The following PLBD1 variants were observed in gnomAD, a reference collection of about 807,000 sequenced individuals.
The protein encoded by PLBD1 is lysosomal leucine aminopeptidase.
Under a neutral mutation model 63.0 loss-of-function variants are expected in PLBD1, and 60 were observed. The observed-to-expected ratio is 0.95, with a 90% CI of 0.77 to 1.18. PLBD1 has a LOEUF of 1.18. PLBD1 is among the 50% of genes most tolerant of loss of function. The probability of loss-of-function intolerance (pLI) is 0.00; values close to 1 mark genes in which losing one functional copy is unlikely to be tolerated. For missense variants in PLBD1, 598 were observed against 677.9 expected (o/e 0.88, Z 1.31); for synonymous variants, 262 against 248.0 (o/e 1.06, Z -0.53).
intron 2 of PLBD1, among the ~76,000 whole-genome samples, chr12:14,546,890 CT>C (rs968836609): frequency 6.6e-6 from 1 of 150,794 alleles, no homozygotes; most frequent in African/African-American, 2.4e-5. Context: ...TTTCTTTTTT[CT>C]TTTTTTTCAG....
chr12:14,506,798 T>A (rs1427220359), intron 9 of PLBD1, 135 bp downstream of exon 9: 1 of 697,224 alleles, frequency 1.4e-6, no homozygotes, highest in African/African-American at 1.8e-5. Flanking sequence ...GTATAAAATG[T>A]ACAATATTAG....
chr12:14,534,141 C>T (rs1206914720), intron 6 of PLBD1, among the ~76,000 whole-genome samples: 2 of 152,062 alleles, frequency 1.3e-5, no homozygotes, highest in Admixed American at 1.3e-4. Flanking sequence ...AGGGTGAGAC[C>T]CTGACTTTAA....
intron 1 of PLBD1, among the ~76,000 whole-genome samples, chr12:14,564,378 T>G (rs865874739): frequency 1.2e-3 from 185 of 152,240 alleles, no homozygotes; most frequent in African/African-American, 4.3e-3. Context: ...TGGTAAGCCA[T>G]GGCAATGTGG....
In PLBD1 at chr12:14,511,584, T is replaced by C; in HGVS notation, c.972A>G (p.Gln324=). ...QVIPETLLSW[Q]RVRVANMMAD... ...CCATCATATTGGCCACACGGACTCTTTGCCAGGACAGGAGAGTCTCGGGTA... is the reference window on the plus strand; with the variant it reads ...CCATCATATTGGCCACACGGACTCTCTGCCAGGACAGGAGAGTCTCGGGTA... Residue 324 remains glutamine (Q), a synonymous_variant, in exon 7 of 11, where the codon CAA becomes CAG. Coordinates refer to ENST00000240617, the MANE Select transcript of PLBD1 (RefSeq NM_024829.6). The C allele has an allele frequency of 6.2e-7, 1 of 1,614,230 alleles. No homozygotes were observed. Among genetic ancestry groups the C allele is most frequent in the Non-Finnish European group, 8.5e-7 (1 of 1,180,040 alleles).
At chr12:14,559,862 ATT>A (rs567443998) in intron 1 of PLBD1, among the ~76,000 whole-genome samples, 3 of 145,102 alleles carry the variant, frequency 2.1e-5, no homozygotes, top group Admixed American at 6.9e-5. Flanking sequence ...TATTTATTTA[ATT>A]TTTTTTTTTT....
At position 14,536,166 on chromosome 12, in the gene PLBD1, G is replaced by A. The variant is rs1592002568; in HGVS notation, c.700-363C>T. 2.0e-5 allele frequency: 5 copies of A among 249,992 alleles called. No individual in the cohort carries two copies. In the East Asian group the frequency reaches 3.4e-4, roughly 17 times the overall value. 15.5% of individuals were successfully genotyped at this position (249,992 alleles called of 1,614,324 possible). A position where few individuals can be genotyped will look rare whatever the true frequency, so the allele number is the denominator to read the frequency against. On this transcript the variant is annotated intron_variant, in intron 5 of 10. Transcript: ENST00000240617. ...CAAGAAAAATTAACCAGGCATGGTG[G>A]CACACCCATGTAGTCCCAGCTACTC...
At position 14,542,201 on chromosome 12, in the gene PLBD1, T is replaced by C. The variant is rs138772802; in HGVS notation, c.419+7A>G. 3,642 of 1,584,434 alleles carry C rather than the reference T, an allele frequency of 2.3e-3. 85 individuals carry two copies. Among genetic ancestry groups the C allele is most frequent in the Non-Finnish European group, 3.3e-4 (385 of 1,153,002 alleles). ...AACAATGAAAAGAGAAAAGCTATTA[T>C]ACGTACTCCATAAAATCCTGCACTT... On this transcript the variant is annotated splice_region_variant and intron_variant, in intron 3 of 10. Transcript: ENST00000240617.
intron 6 of PLBD1, among the ~76,000 whole-genome samples, chr12:14,519,174 G>A (rs1945356941): frequency 6.6e-6 from 1 of 152,204 alleles, no homozygotes; most frequent in African/African-American, 2.4e-5. Context: ...GATATGGACT[G>A]AATTCTGTTT....
chr12:14,561,585 G>A (rs185175689), intron 1 of PLBD1, among the ~76,000 whole-genome samples: 70 of 152,162 alleles, frequency 4.6e-4, no homozygotes, highest in African/African-American at 1.6e-3. Context: ...ACAGAGTTTC[G>A]CTCTTGTTGC....
Position 14,556,091 on chromosome 12 carries a change from G to A in PLBD1, c.116-2679C>T, listed in dbSNP as rs931004450. On this transcript the variant is annotated intron_variant, in intron 1 of 10. Coordinates refer to ENST00000240617, the MANE Select transcript of PLBD1 (RefSeq NM_024829.6). ...ACGTGTTCTTTTCTCTGTCTGAGAA[G>A]CCATTACACATGTGCTCTGGTTGAA... Among the ~76,000 whole-genome samples, 4 of 152,192 alleles carry A rather than the reference G, an allele frequency of 2.6e-5. No homozygotes were observed. In the East Asian group the frequency reaches 7.7e-4, roughly 29 times the overall value.
intron 3 of PLBD1, among the ~76,000 whole-genome samples, chr12:14,541,319 C>A (rs1945569469): frequency 6.6e-6 from 1 of 152,190 alleles, no homozygotes; most frequent in African/African-American, 2.4e-5. Context: ...AATCTAAGGA[C>A]AAGGTGGTTT....
intron 4 of PLBD1, 118 bp downstream of exon 4, chr12:14,540,645 AG>A (rs775457834): frequency 2.0e-5 from 22 of 1,115,840 alleles, no homozygotes; most frequent in Non-Finnish European, 2.7e-5. Flanking sequence ...CTTTTCCGTA[AG>A]GAATTTATAC....
At chr12:14,524,279 T>G (rs1211116394) in intron 6 of PLBD1, among the ~76,000 whole-genome samples, 1 of 152,060 alleles carries the variant, frequency 6.6e-6, no homozygotes, top group East Asian at 1.9e-4. Flanking sequence ...ATTATATATT[T>G]TAAATAACTA....
chr12:14,538,071 G>A lies in PLBD1; in HGVS notation c.559-1361C>T, dbSNP rs576167027. On this transcript the variant is annotated intron_variant, in intron 4 of 10. Coordinates refer to ENST00000240617, the MANE Select transcript of PLBD1 (RefSeq NM_024829.6). ...TTTTTAAAAACATACATGGTAGTGTGTCATATGTGCTGTTGTTCACCTTGA... is the reference window on the plus strand; with the variant it reads ...TTTTTAAAAACATACATGGTAGTGTATCATATGTGCTGTTGTTCACCTTGA... Among the ~76,000 whole-genome samples the A allele has an allele frequency of 5.3e-4, 80 of 151,936 alleles. 1 individual carries two copies. In the South Asian group the frequency reaches 0.016, roughly 30 times the overall value.
At chr12:14,527,589 TAA>T (rs1306087403) in intron 6 of PLBD1, among the ~76,000 whole-genome samples, 1 of 152,136 alleles carries the variant, frequency 6.6e-6, no homozygotes, top group African/African-American at 2.4e-5. Context: ...CTCCAGCACA[TAA>T]GATTTCAAAT....
intron 2 of PLBD1, among the ~76,000 whole-genome samples, chr12:14,550,464 A>G (rs1437230366): frequency 6.6e-6 from 1 of 152,180 alleles, no homozygotes; most frequent in Non-Finnish European, 1.5e-5. Context: ...TTTTTTTTGA[A>G]AGGACATGGC....
At chr12:14,558,158 T>G (rs1945721157) in intron 1 of PLBD1, among the ~76,000 whole-genome samples, 1 of 152,004 alleles carries the variant, frequency 6.6e-6, no homozygotes, top group South Asian at 2.1e-4. Context: ...GGCTGGGGCT[T>G]AGTCAGGCTT....
chr12:14,514,196 A>C (rs1231772195), intron 6 of PLBD1, among the ~76,000 whole-genome samples: 1 of 152,224 alleles, frequency 6.6e-6, no homozygotes, highest in Non-Finnish European at 1.5e-5. Flanking sequence ...TCTTGAATGA[A>C]ATTTTAATGG....
chr12:14,511,184 C>A, intron 8 of PLBD1, 76 bp downstream of exon 8: 4 of 1,222,952 alleles, frequency 3.3e-6, no homozygotes, highest in Non-Finnish European at 4.5e-6. Context: ...CACATTCACA[C>A]AATGTGCATT....
Sources: allele counts gnomAD v4.1 joint callset (sites outside exome capture counted in the v4.1 genomes callset), GRCh38; gene constraint gnomAD v4.1.1; transcripts MANE v1.5; gene names NCBI Gene and HGNC (gene_info 2026-07-23, HGNC 2026-07-21).